VPS35L: variants seen among roughly 807,000 people sequenced by gnomAD.
VPS35L encodes the protein VPS35 endosomal protein sorting factor like, also known as VPS35 endosomal protein-sorting factor-like.
In VPS35L, 83 loss-of-function variants were observed where a neutral mutation model predicts 133.0. The observed-to-expected ratio is 0.62, with a 90% CI of 0.52 to 0.75. The LOEUF is 0.75. Ranked by LOEUF, VPS35L falls within the 30% of genes least tolerant of loss-of-function variation. The probability of loss-of-function intolerance (pLI) is 0.00; values close to 1 mark genes in which losing one functional copy is unlikely to be tolerated. For synonymous variants in VPS35L, 423 were observed against 449.9 expected, an observed-to-expected ratio of 0.94 and a Z score of 0.76; for missense variants, 1,083 against 1,206.8, an observed-to-expected ratio of 0.90 and a Z score of 1.52.
intron 27 of VPS35L, among the ~76,000 whole-genome samples, chr16:19,677,260 T>A (rs1221843462): frequency 1.3e-5 from 2 of 152,008 alleles, no homozygotes; most frequent in African/African-American, 4.8e-5. Context: ...TTTATTTGTA[T>A]TTTTAGTAGA....
intron 28 of VPS35L, among the ~76,000 whole-genome samples, chr16:19,688,138 G>A (rs1226791025): frequency 6.7e-6 from 1 of 150,220 alleles, no homozygotes; most frequent in African/African-American, 2.4e-5. Flanking sequence ...TGTTGCCTAG[G>A]CTGGTCTCAA....
chr16:19,650,951 T>A (rs1442497499), intron 25 of VPS35L, among the ~76,000 whole-genome samples: 4 of 151,924 alleles, frequency 2.6e-5, no homozygotes, highest in Admixed American at 2.6e-4. Flanking sequence ...TGATCTCGGC[T>A]CACTGCAACC....
intron 8 of VPS35L, among the ~76,000 whole-genome samples, chr16:19,596,836 A>G (rs1375401253): frequency 6.6e-6 from 1 of 151,672 alleles, no homozygotes. Flanking sequence ...CCTGGGCAAC[A>G]TGGTGAAACC....
At chr16:19,609,940 G>A (rs1167036807) in intron 11 of VPS35L, among the ~76,000 whole-genome samples, 2 of 152,174 alleles carry the variant, frequency 1.3e-5, no homozygotes, top group African/African-American at 2.4e-5. Flanking sequence ...AACAGGGTAC[G>A]GGACAGTAAA....
intron 7 of VPS35L, among the ~76,000 whole-genome samples, chr16:19,583,638 C>T (rs569837114): frequency 2.0e-5 from 3 of 151,440 alleles, no homozygotes; most frequent in Admixed American, 6.6e-5. Flanking sequence ...ACGAGAATTG[C>T]GTGAACATGG....
At chr16:19,569,817 C>A (rs1490661768) in intron 3 of VPS35L, among the ~76,000 whole-genome samples, 2 of 152,016 alleles carry the variant, frequency 1.3e-5, no homozygotes, top group Non-Finnish European at 2.9e-5. Flanking sequence ...TATAGGTACA[C>A]ACTACTGTGC....
chr16:19,652,290 A>T (rs1401480381), intron 26 of VPS35L, 200 bp downstream of exon 26: 1 of 531,362 alleles, frequency 1.9e-6, no homozygotes, highest in Non-Finnish European at 3.4e-6. Flanking sequence ...AGTCCTCCTG[A>T]GTAGCTGGGA....
chr16:19,560,833 T>C (rs1038487490), intron 1 of VPS35L, among the ~76,000 whole-genome samples: 12 of 151,860 alleles, frequency 7.9e-5, no homozygotes, highest in Non-Finnish European at 1.8e-4. Context: ...AAAAGTGTAC[T>C]TTGATGTTTT....
At chr16:19,693,645 G>A (rs1196985874) in intron 29 of VPS35L, among the ~76,000 whole-genome samples, 3 of 152,222 alleles carry the variant, frequency 2.0e-5, no homozygotes, top group Admixed American at 1.3e-4. Flanking sequence ...TTAGTTGGGT[G>A]TGGTGGTGTG....
At chr16:19,576,193 A>AAAC (rs1555496818) in intron 5 of VPS35L, among the ~76,000 whole-genome samples, 2 of 146,692 alleles carry the variant, frequency 1.4e-5, no homozygotes, top group Non-Finnish European at 1.5e-5. Context: ...AAAAAAAAAA[A>AAAC]CAAAGAGGTT....
At position 19,699,179 on chromosome 16, in the gene VPS35L, T is replaced by C. The variant is rs571727811; in HGVS notation, c.2647-323T>C. On this transcript the variant is annotated intron_variant, in intron 29 of 30. Transcript: ENST00000417362. This position sits in a 1 kb window ranked among gnomAD's most constrained non-coding sequence, Gnocchi z 4.2. ...AGCTGTACTTGCATTAAAGCAAGGC[T>C]TGTCCCTGCTGGGGTACCCTTCATT... 6.6e-6 allele frequency among the ~76,000 whole-genome samples: 1 copy of C among 152,342 alleles called. No homozygotes were observed. Among genetic ancestry groups the C allele is most frequent in the South Asian group, 2.1e-4 (1 of 4,830 alleles).
At chr16:19,664,640 C>T (rs888388045) in intron 26 of VPS35L, among the ~76,000 whole-genome samples, 1 of 151,838 alleles carries the variant, frequency 6.6e-6, no homozygotes, top group Non-Finnish European at 1.5e-5. Context: ...GTGGCTCACG[C>T]CTGTAATCCC....
intron 9 of VPS35L, among the ~76,000 whole-genome samples, chr16:19,607,072 G>C (rs554066455): frequency 1.6e-4 from 25 of 152,340 alleles, no homozygotes; most frequent in African/African-American, 6.0e-4. Flanking sequence ...GTGTTTGTAA[G>C]TTTTGTGTTT....
chr16:19,682,345 C>T lies in VPS35L; in HGVS notation c.2482C>T (p.Leu828Phe). ...IRIYTCVLHL[L>F]SAMSQETYLY... ...CATCTACACCTGCGTCCTGCATCTC[C>T]TCTCCGCCATGAGCCAGGAGACGTA... Residue 828 changes from leucine (L) to phenylalanine (F), a missense_variant, in exon 28 of 31, where the codon CTC becomes TTC. Leu to Phe is a conservative substitution (Grantham distance 22). Coordinates refer to ENST00000417362, the MANE Select transcript of VPS35L (RefSeq NM_020314.7). 1.1e-5 allele frequency: 17 copies of T among 1,614,236 alleles called. No homozygotes were observed. Among genetic ancestry groups the T allele is most frequent in the Non-Finnish European group, 1.4e-5 (16 of 1,180,042 alleles).
chr16:19,602,086 A>G (rs564955806), intron 9 of VPS35L, among the ~76,000 whole-genome samples: 1 of 152,342 alleles, frequency 6.6e-6, no homozygotes. Context: ...GACTTTATGC[A>G]TATTAAAGAA....
At chr16:19,646,394 C>T (rs1284459972) in intron 23 of VPS35L, among the ~76,000 whole-genome samples, 1 of 152,110 alleles carries the variant, frequency 6.6e-6, no homozygotes, top group East Asian at 1.9e-4. Context: ...TGAGGCCAGG[C>T]GCGGTGGCTC....
chr16:19,684,499 G>T (rs2151620079), intron 28 of VPS35L, among the ~76,000 whole-genome samples: 1 of 152,294 alleles, frequency 6.6e-6, no homozygotes, highest in African/African-American at 2.4e-5. Flanking sequence ...CAGGGAGGCT[G>T]GTTCATAGCA....
At chr16:19,574,514 C>T (rs368927503) in intron 4 of VPS35L, among the ~76,000 whole-genome samples, 2 of 152,100 alleles carry the variant, frequency 1.3e-5, no homozygotes, top group African/African-American at 2.4e-5. Flanking sequence ...TTGGCCTCAA[C>T]GCCTCTTCTC....
intron 27 of VPS35L, among the ~76,000 whole-genome samples, chr16:19,681,398 C>T (rs11646090): frequency 0.21 from 31,714 of 152,164 alleles, 4,105 homozygotes; most frequent in Non-Finnish European, 0.28. Context: ...CCCCCTGCCG[C>T]TGCGGGTTCC....
Sources: gnomAD v4.1 joint callset for allele counts (sites outside exome capture counted in the v4.1 genomes callset) on GRCh38, gnomAD v4.1.1 for gene constraint, Gnocchi (gnomAD v3.1) non-coding constraint, MANE v1.5 for transcripts, NCBI Gene and HGNC (gene_info 2026-07-23, HGNC 2026-07-21) for gene names.